Variants in PLSCR2 observed in about 807,000 individuals in gnomAD.
PLSCR2 encodes the protein phospholipid scramblase 2, also known as PL scramblase 2.
Under a neutral mutation model 25.3 loss-of-function variants are expected in PLSCR2, and 18 were observed. The ratio of observed to expected loss-of-function variants is 0.71; its 90% CI spans 0.49 to 1.06. The LOEUF is 1.06. Ranked by LOEUF, PLSCR2 falls within the 50% of genes least tolerant of loss-of-function variation. The pLI, the probability that PLSCR2 is intolerant of heterozygous loss-of-function variation, is 0.00. For synonymous variants in PLSCR2, 88 were observed against 87.3 expected (o/e 1.01, Z -0.04); for missense variants, 243 against 269.5 (o/e 0.90, Z 0.69).
At chr3:146,424,059 A>G (rs987818149) in intron 2 of PLSCR2, among the ~76,000 whole-genome samples, 15 of 151,940 alleles carry the variant, frequency 9.9e-5, no homozygotes, top group African/African-American at 3.6e-4. Context: ...GGTGCAGCAA[A>G]CCACCATGGC....
intron 1 of PLSCR2, chr3:146,469,155 A>C (rs772686226): frequency 1.8e-4 from 175 of 985,256 alleles, no homozygotes; most frequent in Non-Finnish European, 2.0e-4. Flanking sequence ...TAATAGCCCC[A>C]CTATGCTGGC....
chr3:146,432,462 C>T (rs1402549544), downstream of PLSCR2, among the ~76,000 whole-genome samples: 1 of 152,072 alleles, frequency 6.6e-6, no homozygotes, highest in Non-Finnish European at 1.5e-5. Context: ...AGTTCCTTTG[C>T]TTTTTCAAAG....
At chr3:146,452,122 G>A (rs1278039542) in intron 5 of PLSCR2, among the ~76,000 whole-genome samples, 1 of 152,160 alleles carries the variant, frequency 6.6e-6, no homozygotes. Context: ...TTGTGGGACT[G>A]AGACCTTAAA....
chr3:146,440,630 C>T (rs774672209), downstream of PLSCR2, among the ~76,000 whole-genome samples: 3 of 152,044 alleles, frequency 2.0e-5, no homozygotes, highest in Non-Finnish European at 2.9e-5. Flanking sequence ...AAGCTGAAAT[C>T]ATCCATCTTC....
intron 2 of PLSCR2, among the ~76,000 whole-genome samples, chr3:146,405,494 A>C (rs2038634689): frequency 6.6e-6 from 1 of 152,236 alleles, no homozygotes; most frequent in East Asian, 1.9e-4. Context: ...AGTGGAAACA[A>C]GGCTAGATGA....
At chr3:146,434,754 A>T (rs535246791) in intron 8 of PLSCR2, among the ~76,000 whole-genome samples, 1 of 151,920 alleles carries the variant, frequency 6.6e-6, no homozygotes, top group South Asian at 2.1e-4. Context: ...CTCTTTTTAA[A>T]GGTGATTTTA....
At chr3:146,495,492 TGG>T (rs2043714060) in intron 1 of PLSCR2, among the ~76,000 whole-genome samples, 1 of 152,162 alleles carries the variant, frequency 6.6e-6, no homozygotes, top group Non-Finnish European at 1.5e-5. Context: ...GTAGGGCTTT[TGG>T]AAGATGATTA....
At chr3:146,493,790 T>G (rs1238548090) in intron 1 of PLSCR2, among the ~76,000 whole-genome samples, 4 of 148,038 alleles carry the variant, frequency 2.7e-5, no homozygotes, top group Non-Finnish European at 4.5e-5. Flanking sequence ...GGCGTTTTTT[T>G]TTTTTTTTTT....
chr3:146,491,433 A>G (rs1036723385), intron 1 of PLSCR2, among the ~76,000 whole-genome samples: 3 of 152,094 alleles, frequency 2.0e-5, no homozygotes, highest in African/African-American at 7.2e-5. Context: ...TTCTTGGACA[A>G]TATCTTCAAC....
chr3:146,458,263 T>G, intron 3 of PLSCR2, 148 bp downstream of exon 3: 1 of 652,262 alleles, frequency 1.5e-6, no homozygotes, highest in East Asian at 3.7e-5. Flanking sequence ...AGACTACTGA[T>G]TTCATTATTG....
intron 1 of PLSCR2, among the ~76,000 whole-genome samples, chr3:146,487,154 T>C (rs1334482922): frequency 1.3e-5 from 2 of 152,100 alleles, no homozygotes; most frequent in Non-Finnish European, 2.9e-5. Context: ...TAAGTACTGA[T>C]GGAACATATC....
chr3:146,394,966 G>A (rs1308340398), intron 3 of PLSCR2, among the ~76,000 whole-genome samples: 2 of 152,180 alleles, frequency 1.3e-5, no homozygotes. Flanking sequence ...TGTGGAAAAG[G>A]TGCCTGCTTC....
intron 6 of PLSCR2, among the ~76,000 whole-genome samples, chr3:146,446,766 G>T (rs1353307418): frequency 2.0e-5 from 3 of 152,064 alleles, no homozygotes; most frequent in Non-Finnish European, 4.4e-5. Flanking sequence ...CATGGTCCTG[G>T]GTAGGTCCAG....
intron 1 of PLSCR2, among the ~76,000 whole-genome samples, chr3:146,471,819 C>T (rs565202434): frequency 2.0e-5 from 3 of 152,316 alleles, no homozygotes; most frequent in South Asian, 4.1e-4. Flanking sequence ...CCACCTTGGC[C>T]TCCCAAAGTG....
intron 2 of PLSCR2, among the ~76,000 whole-genome samples, chr3:146,410,370 G>A (rs1368628904): frequency 6.6e-6 from 1 of 152,194 alleles, no homozygotes; most frequent in Non-Finnish European, 1.5e-5. Flanking sequence ...GAAATCTGCA[G>A]GGTGGCTGTT....
chr3:146,424,472 C>A (rs1041562440), intron 2 of PLSCR2, among the ~76,000 whole-genome samples: 51 of 152,014 alleles, frequency 3.4e-4, no homozygotes, highest in African/African-American at 1.2e-3. Flanking sequence ...AGACTTTTGA[C>A]CTCAGAAATT....
chr3:146,437,440 C>G (rs1298274112), downstream of PLSCR2, among the ~76,000 whole-genome samples: 1 of 152,128 alleles, frequency 6.6e-6, no homozygotes, highest in South Asian at 2.1e-4. Context: ...ATTATTGCTT[C>G]AATTTCAGAA....
chr3:146,449,473 A>C lies in PLSCR2; in HGVS notation c.484-106T>G, dbSNP rs2040767064. 4.3e-6 allele frequency: 3 copies of C among 700,370 alleles called. No individual in the cohort carries two copies. The African/African-American group carries it at 5.4e-5, about 13-fold the overall frequency. The allele number at this position is 700,370 out of a possible 1,614,324, so 43.4% of individuals were successfully genotyped here. ...AGGAAATATTATAGTACATTTATGC[A>C]CCATACATGAGTATACAGTTAATAT... On this transcript the variant is annotated intron_variant, in intron 5 of 6. Coordinates refer to ENST00000610787, the Ensembl canonical transcript of PLSCR2.
chr3:146,481,895 G>T (rs2043143913), intron 1 of PLSCR2, among the ~76,000 whole-genome samples: 1 of 152,128 alleles, frequency 6.6e-6, no homozygotes, highest in Non-Finnish European at 1.5e-5. Flanking sequence ...TAGACTAATG[G>T]AACAGAACAG....
Sources: allele counts gnomAD v4.1 joint callset (sites outside exome capture counted in the v4.1 genomes callset), GRCh38; gene constraint gnomAD v4.1.1; transcripts MANE v1.5; gene names NCBI Gene and HGNC (gene_info 2026-07-23, HGNC 2026-07-21).